Variants in SLC44A5 observed in about 807,000 individuals in gnomAD.
SLC44A5 encodes the protein choline transporter-like protein 5.
A neutral mutation model predicts 101.8 loss-of-function variants in SLC44A5; 57 were observed. That is an observed-to-expected ratio of 0.56 (90% CI 0.45 to 0.70). The LOEUF (loss-of-function observed/expected upper bound fraction) is 0.70. SLC44A5 is among the 30% of genes least tolerant of loss of function. SLC44A5 has a pLI of 0.00. For missense variants in SLC44A5, 737 were observed against 853.1 expected (o/e 0.86, Z 1.70); for synonymous variants, 281 against 290.9 (o/e 0.97, Z 0.35).
chr1:75,640,524 T>C, the SLC44A5 span, among the ~76,000 whole-genome samples: 2 of 152,084 alleles, frequency 1.3e-5, no homozygotes, highest in Non-Finnish European at 2.9e-5. Context: ...AGGAAGCTTG[T>C]CTTTATAATA....
intron 4 of SLC44A5, among the ~76,000 whole-genome samples, chr1:75,304,595 T>C (rs1654767967): frequency 1.3e-5 from 2 of 152,176 alleles, no homozygotes; most frequent in East Asian, 1.9e-4. Flanking sequence ...CTAAATGTTC[T>C]ATAGGAAATG....
At chr1:75,494,374 T>C (rs1318222129) in intron 2 of SLC44A5, among the ~76,000 whole-genome samples, 1 of 152,182 alleles carries the variant, frequency 6.6e-6, no homozygotes, top group Non-Finnish European at 1.5e-5. Context: ...TGGAAGAACC[T>C]GGACCACACA....
intron 5 of SLC44A5, among the ~76,000 whole-genome samples, chr1:75,296,517 C>G (rs1197876615): frequency 6.6e-6 from 1 of 152,064 alleles, no homozygotes; most frequent in Non-Finnish European, 1.5e-5. Context: ...CAAGGCTCAG[C>G]AGGGTTAGCT....
At chr1:75,379,413 G>T (rs1195051339) in intron 3 of SLC44A5, among the ~76,000 whole-genome samples, 1 of 55,788 alleles carries the variant, frequency 1.8e-5, no homozygotes, top group Non-Finnish European at 2.8e-5. Flanking sequence ...AGTACTATTA[G>T]TCAACAAGCA....
At chr1:75,389,593 T>C (rs1199496977) in intron 3 of SLC44A5, among the ~76,000 whole-genome samples, 1 of 151,884 alleles carries the variant, frequency 6.6e-6, no homozygotes, top group East Asian at 1.9e-4. Flanking sequence ...ATTAATGAAA[T>C]AAAAAAATTC....
At chr1:75,343,824 A>G (rs1038805507) in intron 3 of SLC44A5, among the ~76,000 whole-genome samples, 1 of 152,196 alleles carries the variant, frequency 6.6e-6, no homozygotes, top group Non-Finnish European at 1.5e-5. Flanking sequence ...TGTCTATAAA[A>G]GAGGGCCTGT....
the SLC44A5 span, among the ~76,000 whole-genome samples, chr1:75,691,801 A>G: frequency 2.6e-5 from 4 of 152,144 alleles, no homozygotes; most frequent in Non-Finnish European, 5.9e-5. Flanking sequence ...GCAGAGAGAG[A>G]AAGATCTGGT....
intron 2 of SLC44A5, among the ~76,000 whole-genome samples, chr1:75,404,422 G>GA (rs577886344): frequency 6.2e-4 from 95 of 152,226 alleles, no homozygotes; most frequent in Non-Finnish European, 1.0e-3. Flanking sequence ...TAAAATGAAG[G>GA]AAAAAATGTT....
At chr1:75,328,478 C>T (rs1293265691) in intron 4 of SLC44A5, among the ~76,000 whole-genome samples, 1 of 152,108 alleles carries the variant, frequency 6.6e-6, no homozygotes, top group Admixed American at 6.6e-5. Flanking sequence ...TATCAAGATA[C>T]TGTTATCTAA....
intron 2 of SLC44A5, among the ~76,000 whole-genome samples, chr1:75,520,725 A>C (rs1379489219): frequency 6.6e-6 from 1 of 152,222 alleles, no homozygotes; most frequent in East Asian, 1.9e-4. Context: ...GGCATAAGTT[A>C]AAATAGCATC....
intron 2 of SLC44A5, among the ~76,000 whole-genome samples, chr1:75,455,042 C>G (rs924260369): frequency 6.6e-6 from 1 of 151,908 alleles, no homozygotes; most frequent in Non-Finnish European, 1.5e-5. Context: ...ATATGGAACA[C>G]AAAAAGAGCC....
At chr1:75,670,942 C>G in the SLC44A5 span, among the ~76,000 whole-genome samples, 1 of 152,010 alleles carries the variant, frequency 6.6e-6, no homozygotes, top group Non-Finnish European at 1.5e-5. Flanking sequence ...CAGAAATGAC[C>G]GTCATGAAGA....
intron 7 of SLC44A5, among the ~76,000 whole-genome samples, chr1:75,246,303 G>A (rs957899651): frequency 6.6e-6 from 1 of 152,002 alleles, no homozygotes; most frequent in Non-Finnish European, 1.5e-5. Flanking sequence ...AGCATAATAT[G>A]CAAGTATATT....
chr1:75,392,149 CA>C (rs531261926), intron 3 of SLC44A5, among the ~76,000 whole-genome samples: 67 of 144,030 alleles, frequency 4.7e-4, no homozygotes, highest in African/African-American at 9.4e-4. Flanking sequence ...GAACCTGTCT[CA>C]AAAAAAAAAA....
intron 5 of SLC44A5, among the ~76,000 whole-genome samples, chr1:75,293,467 T>A (rs1653725123): frequency 6.6e-6 from 1 of 152,178 alleles, no homozygotes; most frequent in African/African-American, 2.4e-5. Context: ...GGCTTTCGAA[T>A]CATTACTTTG....
chr1:75,221,523 A>T (rs1647080633), intron 14 of SLC44A5, among the ~76,000 whole-genome samples: 1 of 152,226 alleles, frequency 6.6e-6, no homozygotes, highest in Admixed American at 6.5e-5. Flanking sequence ...TATGGGCTTT[A>T]GATATGAAAT....
the SLC44A5 span, among the ~76,000 whole-genome samples, chr1:75,707,207 C>CA: frequency 2.0e-5 from 3 of 152,152 alleles, no homozygotes; most frequent in Non-Finnish European, 4.4e-5. Context: ...CCCTGGCTGA[C>CA]AGATGAAATG....
chr1:75,493,584 A>T (rs929837652), intron 2 of SLC44A5, among the ~76,000 whole-genome samples: 1 of 152,220 alleles, frequency 6.6e-6, no homozygotes, highest in African/African-American at 2.4e-5. Flanking sequence ...GAGACTGAAA[A>T]CACAATGTAA....
At chr1:75,609,859 T>G (rs1480388946) in intron 1 of SLC44A5, among the ~76,000 whole-genome samples, 1 of 152,000 alleles carries the variant, frequency 6.6e-6, no homozygotes, top group African/African-American at 2.4e-5. Context: ...CCCCCAAATT[T>G]TAGTGGTTTA....
Sources: allele counts gnomAD v4.1 joint callset (sites outside exome capture counted in the v4.1 genomes callset), GRCh38; gene constraint gnomAD v4.1.1; transcripts MANE v1.5; gene names NCBI Gene and HGNC (gene_info 2026-07-23, HGNC 2026-07-21).